The following SEMA5B variants were observed in gnomAD, a reference collection of about 807,000 sequenced individuals.
The protein encoded by SEMA5B is semaphorin-5B.
A neutral mutation model predicts 135.0 loss-of-function variants in SEMA5B; 66 were observed. That is an observed-to-expected ratio of 0.49 (90% CI 0.40 to 0.60). The LOEUF is 0.60. Ranked by LOEUF, SEMA5B falls within the 20% of genes least tolerant of loss-of-function variation. The probability of loss-of-function intolerance (pLI) is 0.00; values close to 1 mark genes in which losing one functional copy is unlikely to be tolerated. For missense variants in SEMA5B, 1,501 were observed against 1,566.3 expected, an observed-to-expected ratio of 0.96 and a Z score of 0.70; for synonymous variants, 690 against 639.5, an observed-to-expected ratio of 1.08 and a Z score of -1.19.
At chr3:122,950,049 G>T (rs1408298976) in intron 2 of SEMA5B, among the ~76,000 whole-genome samples, 3 of 152,200 alleles carry the variant, frequency 2.0e-5, no homozygotes, top group Non-Finnish European at 2.9e-5. Flanking sequence ...TTTCTGGACA[G>T]TGAGCAAGAT....
chr3:122,948,355 G>A, intron 3 of SEMA5B, 151 bp downstream of exon 3: 3 of 556,128 alleles, frequency 5.4e-6, no homozygotes, highest in Non-Finnish European at 9.1e-6. Context: ...TCCAGCACCA[G>A]AGGAAGAGTC....
At chr3:122,981,699 CTG>C (rs1408699014) in intron 1 of SEMA5B, among the ~76,000 whole-genome samples, 4 of 152,218 alleles carry the variant, frequency 2.6e-5, no homozygotes, top group African/African-American at 4.8e-5. Context: ...CACACAGGCA[CTG>C]TTTTTTGAGC....
chr3:122,920,919 T>C (rs1938314677), intron 12 of SEMA5B, among the ~76,000 whole-genome samples: 1 of 152,204 alleles, frequency 6.6e-6, no homozygotes, highest in Non-Finnish European at 1.5e-5. Context: ...TGGTATGTCT[T>C]AGTAAGTGTG....
At chr3:122,944,267 T>A (rs1217941526) in intron 3 of SEMA5B, among the ~76,000 whole-genome samples, 2 of 152,088 alleles carry the variant, frequency 1.3e-5, no homozygotes, top group Non-Finnish European at 2.9e-5. Context: ...CCCAAATCCA[T>A]CCCACAAGAG....
At chr3:122,971,355 T>C (rs1045569912) in intron 1 of SEMA5B, among the ~76,000 whole-genome samples, 1 of 152,264 alleles carries the variant, frequency 6.6e-6, no homozygotes. Context: ...GTGCAAGGAA[T>C]CTTTGCTCTT....
chr3:122,971,228 G>T (rs1196327760), intron 1 of SEMA5B, among the ~76,000 whole-genome samples: 1 of 152,224 alleles, frequency 6.6e-6, no homozygotes, highest in African/African-American at 2.4e-5. Flanking sequence ...CAAACTGGTG[G>T]CAGGAACCAT....
intron 1 of SEMA5B, among the ~76,000 whole-genome samples, chr3:122,970,876 G>A (rs1941082359): frequency 6.6e-6 from 1 of 152,180 alleles, no homozygotes; most frequent in Admixed American, 6.5e-5. Context: ...GGGCCTCTTT[G>A]CAAAATATAC....
At chr3:122,980,697 C>T (rs1941496952) in intron 1 of SEMA5B, among the ~76,000 whole-genome samples, 1 of 152,186 alleles carries the variant, frequency 6.6e-6, no homozygotes, top group South Asian at 2.1e-4. Flanking sequence ...AATAATCTTT[C>T]AGTGTCCAGT....
intron 1 of SEMA5B, among the ~76,000 whole-genome samples, chr3:122,990,276 G>A (rs1229113763): frequency 6.6e-6 from 1 of 152,162 alleles, no homozygotes; most frequent in Non-Finnish European, 1.5e-5. Flanking sequence ...AGTTTCTGCA[G>A]AGTCAATGGG....
At chr3:122,943,781 A>G (rs1939668984) in intron 3 of SEMA5B, among the ~76,000 whole-genome samples, 1 of 152,106 alleles carries the variant, frequency 6.6e-6, no homozygotes, top group Non-Finnish European at 1.5e-5. Flanking sequence ...GCATGAAGGG[A>G]TACTTATACT....
chr3:122,972,836 C>T (rs1941177785), intron 1 of SEMA5B, among the ~76,000 whole-genome samples: 1 of 152,160 alleles, frequency 6.6e-6, no homozygotes, highest in African/African-American at 2.4e-5. Flanking sequence ...AGCCAGAGGC[C>T]CTGAGAGCAG....
intron 5 of SEMA5B, among the ~76,000 whole-genome samples, chr3:122,939,050 C>A (rs1312481294): frequency 6.6e-6 from 1 of 152,234 alleles, no homozygotes; most frequent in African/African-American, 2.4e-5. Context: ...TGGGGACTTA[C>A]AATAACCAAC....
In SEMA5B at chr3:122,981,958, C is replaced by T. The variant is rs573826005; in HGVS notation, c.-38-20657G>A. 4.6e-5 allele frequency among the ~76,000 whole-genome samples: 7 copies of T among 152,300 alleles called. No individual in the cohort carries two copies. The South Asian group carries it at 1.2e-3, about 27-fold the overall frequency. ...ATGTTACCATGGCAGGTCATCAGCCCCTGCAGGCTGTGAGCCTCAAGTCAG... is the reference window on the plus strand; with the variant it reads ...ATGTTACCATGGCAGGTCATCAGCCTCTGCAGGCTGTGAGCCTCAAGTCAG... On this transcript the variant is annotated intron_variant, in intron 1 of 22. Coordinates refer to ENST00000357599, the MANE Select transcript of SEMA5B (RefSeq NM_001031702.4).
chr3:122,979,750 T>G (rs764828772), intron 1 of SEMA5B, among the ~76,000 whole-genome samples: 5 of 152,176 alleles, frequency 3.3e-5, no homozygotes, highest in Non-Finnish European at 5.9e-5. Flanking sequence ...CCGTGTTGTC[T>G]CCAGCCCCCT....
In SEMA5B at chr3:122,970,882, T is replaced by C. The variant is rs530881407; in HGVS notation, c.-38-9581A>G. ...AGAGAAACAGGGCCTCTTTGCAAAA[T>C]ATACCCTCTTTCTGGGGGTTGAGCA... On this transcript the variant is annotated intron_variant, in intron 1 of 22. Coordinates refer to ENST00000357599, the MANE Select transcript of SEMA5B (RefSeq NM_001031702.4). 9.8e-5 allele frequency among the ~76,000 whole-genome samples: 15 copies of C among 152,332 alleles called. No homozygotes were observed. The South Asian group carries it at 3.1e-3, about 32-fold the overall frequency.
chr3:122,913,714 G>A, intron 15 of SEMA5B, 33 bp from the exon 16 acceptor site: 1 of 1,607,104 alleles, frequency 6.2e-7, no homozygotes. Context: ...AATCCAGGGA[G>A]GGGGACCCCC....
intron 12 of SEMA5B, among the ~76,000 whole-genome samples, chr3:122,918,242 A>C (rs1938173467): frequency 1.3e-5 from 2 of 152,246 alleles, no homozygotes; most frequent in African/African-American, 4.8e-5. Flanking sequence ...CAAATGCAGA[A>C]GATTCTGGAG....
At chr3:122,996,096 A>G (rs971930567) in intron 1 of SEMA5B, among the ~76,000 whole-genome samples, 5 of 152,184 alleles carry the variant, frequency 3.3e-5, no homozygotes, top group Non-Finnish European at 7.4e-5. Flanking sequence ...CCCATGGAAC[A>G]CTGAGTAGAC....
chr3:123,012,511 T>A (rs1204483501), intron 1 of SEMA5B, among the ~76,000 whole-genome samples: 2 of 152,120 alleles, frequency 1.3e-5, no homozygotes, highest in African/African-American at 4.8e-5. Flanking sequence ...TATGGAGCCA[T>A]CCTCCCCGGT....
Sources: gnomAD v4.1 joint callset for allele counts (sites outside exome capture counted in the v4.1 genomes callset) on GRCh38, gnomAD v4.1.1 for gene constraint, MANE v1.5 for transcripts, NCBI Gene and HGNC (gene_info 2026-07-23, HGNC 2026-07-21) for gene names.